Variants in ANKRD28 observed in about 807,000 individuals in gnomAD.
ANKRD28 encodes the protein ankyrin repeat domain 28, also known as serine/threonine-protein phosphatase 6 regulatory ankyrin repeat subunit A.
A neutral mutation model predicts 126.5 loss-of-function variants in ANKRD28; 44 were observed. The observed-to-expected ratio is 0.35, with a 90% CI of 0.27 to 0.45. The LOEUF is 0.45. Among genes scored for constraint, ANKRD28 ranks in the 20% least tolerant of loss-of-function variants. The pLI is 1.00. For synonymous variants in ANKRD28, 442 were observed against 468.5 expected, an observed-to-expected ratio of 0.94 and a Z score of 0.73; for missense variants, 1,110 against 1,316.6, an observed-to-expected ratio of 0.84 and a Z score of 2.43.
intron 24 of ANKRD28, among the ~76,000 whole-genome samples, 163 bp downstream of exon 24, chr3:15,678,046 A>G (rs895383086): frequency 2.0e-5 from 3 of 152,174 alleles, no homozygotes; most frequent in Admixed American, 6.6e-5. Flanking sequence ...GGGCAAACTA[A>G]AACATTGTAT....
chr3:15,777,271 CAAAAAA>C (rs148444429), intron 2 of ANKRD28, among the ~76,000 whole-genome samples: 1 of 111,644 alleles, frequency 9.0e-6, no homozygotes, highest in Non-Finnish European at 1.9e-5. Flanking sequence ...GACTCCGTCT[CAAAAAA>C]AAAAAAAAAA....
At chr3:15,834,410 ATATC>A (rs1259596662) in intron 1 of ANKRD28, among the ~76,000 whole-genome samples, 2 of 152,086 alleles carry the variant, frequency 1.3e-5, no homozygotes, top group Non-Finnish European at 2.9e-5. Flanking sequence ...AGTAATATAT[ATATC>A]TATTTTTATG....
intron 21 of ANKRD28, among the ~76,000 whole-genome samples, chr3:15,682,587 T>C (rs557076671): frequency 4.3e-4 from 65 of 152,364 alleles, no homozygotes; most frequent in Admixed American, 1.2e-3. Context: ...TGAATGACTA[T>C]ATAAACTGAA....
At chr3:15,809,320 CCTT>C (rs1180163822) in intron 1 of ANKRD28, among the ~76,000 whole-genome samples, 2 of 152,192 alleles carry the variant, frequency 1.3e-5, no homozygotes, top group South Asian at 2.1e-4. Context: ...TGTTGACTCT[CCTT>C]CTAGTTCTAT....
chr3:15,824,686 G>C lies in ANKRD28; in HGVS notation c.28-29380C>G, dbSNP rs536249866. Among the ~76,000 whole-genome samples the C allele has an allele frequency of 7.9e-5, 12 of 152,310 alleles. No individual in the cohort carries two copies. In the South Asian group the frequency reaches 2.5e-3, roughly 32 times the overall value. ...GGCCCAGGCCTAAAAATGGACACAA[G>C]GAAAATATTTACAAATAATAAAACA... On this transcript the variant is annotated intron_variant, in intron 1 of 27. Transcript: ENST00000399451.
intron 4 of ANKRD28, among the ~76,000 whole-genome samples, chr3:15,745,960 T>C (rs2057451097): frequency 6.6e-6 from 1 of 152,174 alleles, no homozygotes; most frequent in South Asian, 2.1e-4. Context: ...TTTACTGTTT[T>C]TCTGCAGCCA....
chr3:15,694,658 A>T, intron 17 of ANKRD28, 81 bp downstream of exon 17: 1 of 1,195,270 alleles, frequency 8.4e-7, no homozygotes, highest in Non-Finnish European at 1.2e-6. Context: ...TTATGGTACT[A>T]GTTTGAGTCA....
chr3:15,750,334 C>A (rs2057780201), intron 4 of ANKRD28, among the ~76,000 whole-genome samples: 1 of 152,100 alleles, frequency 6.6e-6, no homozygotes, highest in Non-Finnish European at 1.5e-5. Context: ...GAGAGCTAAC[C>A]ACAAAATTAA....
At position 15,811,733 on chromosome 3, in the gene ANKRD28, G is replaced by A. The variant is rs560135265; in HGVS notation, c.28-16427C>T. The stretch of plus-strand genomic sequence containing the variant: ...CTCCCAAAGTACTGGGATTACAGGT[G>A]TGAGCCACTGCGCCTGGCCAGGGAC... On this transcript the variant is annotated intron_variant, in intron 1 of 27. Transcript: ENST00000399451. Among the ~76,000 whole-genome samples the A allele has an allele frequency of 1.1e-3, 165 of 152,200 alleles. No homozygotes were observed. In the Middle Eastern group the frequency reaches 0.024, roughly 22 times the overall value.
rs986570379 is a variant in ANKRD28, at chr3:15,839,387, T to TTACAGC, written c.27+19984_27+19989dup. ...GAAGACATAACAAAAAACAACTGAA[T>TTACAGC]TACAGCTGGAGAGAACCAAAGTGGG... On this transcript the variant is annotated intron_variant, in intron 1 of 27. Coordinates refer to the ANKRD28 transcript ENST00000399451. This position sits in a 1 kb window ranked among gnomAD's most constrained non-coding sequence, Gnocchi z 4.3. 1.3e-5 allele frequency among the ~76,000 whole-genome samples: 2 copies of TTACAGC among 152,084 alleles called. No homozygotes were observed. The highest frequency in any genetic ancestry group is 4.8e-5 in the African/African-American group (2 of 41,402).
chr3:15,804,942 C>G (rs1425894283), intron 1 of ANKRD28, among the ~76,000 whole-genome samples: 1 of 145,022 alleles, frequency 6.9e-6, no homozygotes, highest in Non-Finnish European at 1.5e-5. Context: ...AGACTAGTAA[C>G]ATTTTAACAC....
Position 15,745,560 on chromosome 3 carries a change from T to C in ANKRD28, c.351+6190A>G, listed in dbSNP as rs1186117092. On this transcript the variant is annotated intron_variant, in intron 4 of 27. Coordinates refer to ENST00000683139, the MANE Select transcript of ANKRD28 (RefSeq NM_001349278.2). ...TTTCTGGGTTCTATTTCTGTTCCAT[T>C]GCTCTATATATCTATTTTTATACCA... 2.0e-5 allele frequency among the ~76,000 whole-genome samples: 3 copies of C among 152,206 alleles called. No homozygotes were observed. The East Asian group carries it at 5.8e-4, about 29-fold the overall frequency.
intron 6 of ANKRD28, among the ~76,000 whole-genome samples, chr3:15,727,863 A>G (rs2074294937): frequency 6.6e-6 from 1 of 152,194 alleles, no homozygotes; most frequent in Non-Finnish European, 1.5e-5. Context: ...GTTTTGTGAG[A>G]TGGAATCTAC....
chr3:15,777,961 C>T (rs745407180), intron 2 of ANKRD28, among the ~76,000 whole-genome samples: 1 of 151,418 alleles, frequency 6.6e-6, no homozygotes, highest in Non-Finnish European at 1.5e-5. Flanking sequence ...ACCTTTAGAT[C>T]ATAAACTTGC....
chr3:15,691,122 TGTC>T (rs2068740485), intron 17 of ANKRD28, among the ~76,000 whole-genome samples: 1 of 151,812 alleles, frequency 6.6e-6, no homozygotes, highest in Non-Finnish European at 1.5e-5. Flanking sequence ...AGACTGAAGT[TGTC>T]TTTTTTTTTT....
intron 3 of ANKRD28, among the ~76,000 whole-genome samples, chr3:15,761,488 G>C (rs1286243256): frequency 5.3e-5 from 8 of 152,002 alleles, no homozygotes; most frequent in Non-Finnish European, 1.0e-4. Context: ...TTTAAAATTA[G>C]GGTTATAGAA....
chr3:15,700,622 A>G (rs2070433339), intron 14 of ANKRD28, among the ~76,000 whole-genome samples: 1 of 152,146 alleles, frequency 6.6e-6, no homozygotes. Flanking sequence ...AAGAGTACAA[A>G]AATTAGCTGG....
rs1376956130 is a variant in ANKRD28, at chr3:15,690,145, C to T, written c.1837G>A (p.Gly613Arg). Residue 613 changes from glycine to arginine, a missense_variant, in exon 18 of 28, where the codon GGA (glycine) becomes AGA (arginine). By Grantham distance (125) the Gly-to-Arg change is moderately radical. Transcript: ENST00000683139. ...GCTGCAAGATCTAGGGGTGTTCTTCCACTACTATTTCTGACATCAAGATCT... is the reference window on the plus strand; with the variant it reads ...GCTGCAAGATCTAGGGGTGTTCTTCTACTACTATTTCTGACATCAAGATCT... ...LLDLDVRNSS[G>R]RTPLDLAAFK... is the part of the protein sequence containing the mutation. 6.2e-7 allele frequency: 1 copy of T among 1,609,608 alleles called. No homozygotes were observed. Among genetic ancestry groups the T allele is most frequent in the Admixed American group, 1.7e-5 (1 of 59,530 alleles).
In ANKRD28 at chr3:15,720,941, C is replaced by G; in HGVS notation, c.970G>C (p.Gly324Arg). The change falls in exon 8 of 28, where the codon GGC becomes CGC. Residue 324 changes from glycine to arginine, a missense_variant. Coordinates refer to ENST00000683139, the MANE Select transcript of ANKRD28 (RefSeq NM_001349278.2). Reference sequence around the variant, plus strand: ...TTCATATTGACATCGGCCCCATTGCCAACTAGAAGCTCTAAACACAATGCT... The same window carrying G: ...TTCATATTGACATCGGCCCCATTGCGAACTAGAAGCTCTAAACACAATGCT... ...HGALCLELLV[G>R]NGADVNMKSK... 1 of 1,613,496 alleles carries G rather than the reference C, an allele frequency of 6.2e-7. No homozygotes were observed. The highest frequency in any genetic ancestry group is 1.1e-5 in the South Asian group (1 of 90,996).
Sources: gnomAD v4.1 joint callset for allele counts (sites outside exome capture counted in the v4.1 genomes callset) on GRCh38, gnomAD v4.1.1 for gene constraint, Gnocchi (gnomAD v3.1) non-coding constraint, MANE v1.5 for transcripts, NCBI Gene and HGNC (gene_info 2026-07-23, HGNC 2026-07-21) for gene names.